The following PIK3C2A variants were observed in gnomAD, a reference collection of about 807,000 sequenced individuals.
The protein encoded by PIK3C2A is phosphatidylinositol-4-phosphate 3-kinase catalytic subunit type 2 alpha.
PIK3C2A carries 97 observed loss-of-function variants against 204.5 expected under a neutral mutation model. That is an observed-to-expected ratio of 0.47 (90% CI 0.40 to 0.56). The LOEUF is 0.56. PIK3C2A is among the 20% of genes least tolerant of loss of function. The probability of loss-of-function intolerance (pLI) is 0.00; values close to 1 mark genes in which losing one functional copy is unlikely to be tolerated. For synonymous variants in PIK3C2A, 653 were observed against 664.4 expected, an observed-to-expected ratio of 0.98 and a Z score of 0.26; for missense variants, 1,735 against 1,969.2, an observed-to-expected ratio of 0.88 and a Z score of 2.25.
At chr11:17,116,387 A>C (rs1490920794) in intron 19 of PIK3C2A, among the ~76,000 whole-genome samples, 1 of 152,180 alleles carries the variant, frequency 6.6e-6, no homozygotes, top group Non-Finnish European at 1.5e-5. Flanking sequence ...AAAACAGGAA[A>C]AAAAACAATG....
intron 2 of PIK3C2A, among the ~76,000 whole-genome samples, chr11:17,156,068 T>A (rs1216673395): frequency 1.3e-5 from 2 of 152,170 alleles, no homozygotes; most frequent in Non-Finnish European, 2.9e-5. Flanking sequence ...GTTTTTTATG[T>A]AAGAGAATGG....
At chr11:17,189,771 CCA>C (rs1851877111) in intron 1 of PIK3C2A, among the ~76,000 whole-genome samples, 1 of 140,076 alleles carries the variant, frequency 7.1e-6, no homozygotes, top group Admixed American at 7.8e-5. Flanking sequence ...TGAAATTGAG[CCA>C]CTGCACTCCA....
chr11:17,171,655 A>C (rs1851167947), intron 1 of PIK3C2A, among the ~76,000 whole-genome samples: 1 of 152,254 alleles, frequency 6.6e-6, no homozygotes, highest in Non-Finnish European at 1.5e-5. Flanking sequence ...GTATATTTAA[A>C]ATATACACAC....
intron 1 of PIK3C2A, among the ~76,000 whole-genome samples, chr11:17,171,182 A>T (rs577087292): frequency 1.3e-5 from 2 of 152,354 alleles, no homozygotes; most frequent in East Asian, 3.9e-4. Flanking sequence ...TTTTTAAAAT[A>T]AAAAAGTATC....
At chr11:17,133,535 T>C (rs2137385732) in intron 11 of PIK3C2A, among the ~76,000 whole-genome samples, 1 of 152,310 alleles carries the variant, frequency 6.6e-6, no homozygotes, top group East Asian at 1.9e-4. Context: ...TTAGGTTTGA[T>C]ATTTCTTCAG....
rs1848617120 is a variant in PIK3C2A at position 17,101,373 on chromosome 11, G to C, written c.3913C>G (p.Pro1305Ala). Residue 1305 changes from proline to alanine, a missense_variant, in exon 25 of 33, where the codon CCC (proline) becomes GCC (alanine). Physicochemically the swap from Pro to Ala is conservative, Grantham distance 27. Transcript: ENST00000691414. ...ACAAACAACTGAAAACGAATGGTGG[G>C]CTTTTCACCCCCATTAATGACATAT... is the stretch of plus-strand genomic sequence containing the variant. The part of the protein sequence containing the change: ...MAYVINGGEK[P>A]TIRFQLFVDL... 6.3e-7 allele frequency: 1 copy of C among 1,594,896 alleles called. No homozygotes were observed. The highest frequency in any genetic ancestry group is 1.3e-5 in the African/African-American group (1 of 74,670).
chr11:17,187,783 G>C (rs1483337993), intron 1 of PIK3C2A, among the ~76,000 whole-genome samples: 2 of 151,928 alleles, frequency 1.3e-5, no homozygotes, highest in Non-Finnish European at 2.9e-5. Flanking sequence ...CACAGAGACA[G>C]AAGATATATA....
At chr11:17,136,784 T>A (rs951593686) in intron 8 of PIK3C2A, among the ~76,000 whole-genome samples, 159 bp from the exon 9 acceptor site, 1 of 152,236 alleles carries the variant, frequency 6.6e-6, no homozygotes, top group Non-Finnish European at 1.5e-5. Context: ...TTGTATAGTT[T>A]ATTTCAAAGT....
chr11:17,135,675 ATATG>A (rs1378679693), intron 9 of PIK3C2A, among the ~76,000 whole-genome samples: 97 of 87,966 alleles, frequency 1.1e-3, no homozygotes, highest in African/African-American at 3.8e-3. Context: ...GTAATTTCAT[ATATG>A]TGTGTGTGTG....
intron 13 of PIK3C2A, among the ~76,000 whole-genome samples, chr11:17,124,356 T>C (rs183500041): frequency 2.0e-5 from 3 of 152,286 alleles, no homozygotes; most frequent in Non-Finnish European, 4.4e-5. Context: ...ATCTAGTCAC[T>C]ATTCAAATTT....
At chr11:17,139,679 C>T (rs1201734213) in intron 8 of PIK3C2A, among the ~76,000 whole-genome samples, 4 of 152,208 alleles carry the variant, frequency 2.6e-5, no homozygotes, top group African/African-American at 7.2e-5. Flanking sequence ...GTAATACAAG[C>T]CTCCGTTACA....
intron 24 of PIK3C2A, among the ~76,000 whole-genome samples, chr11:17,102,035 G>C (rs1848651430): frequency 6.6e-6 from 1 of 152,154 alleles, no homozygotes; most frequent in Non-Finnish European, 1.5e-5. Context: ...AGATCAAACA[G>C]TAGTTACAAA....
In PIK3C2A at chr11:17,175,278, CT is replaced by C. The variant is rs1851301733; in HGVS notation, c.-65-5473del. On this transcript the variant is annotated intron_variant, in intron 1 of 32. Coordinates refer to ENST00000691414, the MANE Select transcript of PIK3C2A (RefSeq NM_002645.4). The stretch of plus-strand genomic sequence containing the variant: ...GTACCAACACCCAAAGTAGTATATG[CT>C]AAAGTAAATTCAACTCTAAGTAGTA... 2.0e-5 allele frequency among the ~76,000 whole-genome samples: 3 copies of C among 152,242 alleles called. No homozygotes were observed. In the South Asian group the frequency reaches 6.2e-4, roughly 32 times the overall value.
At chr11:17,206,040 T>G (rs1031503271) in intron 1 of PIK3C2A, among the ~76,000 whole-genome samples, 8 of 152,192 alleles carry the variant, frequency 5.3e-5, no homozygotes, top group African/African-American at 1.9e-4. Flanking sequence ...GGAGAATCAC[T>G]TGAACCCTGG....
At chr11:17,101,768 T>A (rs10766377) in intron 24 of PIK3C2A, among the ~76,000 whole-genome samples, 140,838 of 151,176 alleles carry the variant, frequency 0.93, 65,448 homozygotes, top group East Asian at 0.95. Flanking sequence ...CACGCCCGGC[T>A]AATTTTTTGT....
At chr11:17,120,492 A>C (rs1849336406) in intron 15 of PIK3C2A, among the ~76,000 whole-genome samples, 1 of 151,694 alleles carries the variant, frequency 6.6e-6, no homozygotes, top group South Asian at 2.1e-4. Context: ...CTATCCATCC[A>C]TATATATATA....
chr11:17,123,066 A>G (rs1849413539), intron 13 of PIK3C2A, among the ~76,000 whole-genome samples: 1 of 152,198 alleles, frequency 6.6e-6, no homozygotes, highest in African/African-American at 2.4e-5. Context: ...AATGGTGTTG[A>G]GGACAGAACA....
In PIK3C2A at chr11:17,169,043, T is replaced by G; in HGVS notation, c.699A>C (p.Thr233=). The G allele has an allele frequency of 6.2e-7, 1 of 1,614,016 alleles. No homozygotes were observed. Among genetic ancestry groups the G allele is most frequent in the East Asian group, 2.2e-5 (1 of 44,880 alleles). ...CTTTCCCATTTTTTAAAAATTCTGA[T>G]GTACTAGCTATTTTGTCAAATAGTT... The part of the protein sequence containing the change: ...MAKLFDKIAS[T]SEFLKNGKAR... Residue 233 remains threonine, a synonymous_variant, in exon 2 of 33, where the codon ACA becomes ACC. Coordinates refer to ENST00000691414, the MANE Select transcript of PIK3C2A (RefSeq NM_002645.4).
intron 13 of PIK3C2A, among the ~76,000 whole-genome samples, chr11:17,126,380 T>C (rs1240082695): frequency 1.3e-5 from 2 of 152,174 alleles, no homozygotes; most frequent in South Asian, 4.2e-4. Context: ...ACAGTGAGAC[T>C]CCATCTCTAC....
Sources: gnomAD v4.1 joint callset for allele counts (sites outside exome capture counted in the v4.1 genomes callset) on GRCh38, gnomAD v4.1.1 for gene constraint, MANE v1.5 for transcripts, NCBI Gene and HGNC (gene_info 2026-07-23, HGNC 2026-07-21) for gene names.